AKR1C8: variants seen among roughly 807,000 people sequenced by gnomAD.
The protein encoded by AKR1C8 is aldo-keto reductase family 1 member C8.
At chr10:5,159,861 T>C in the AKR1C8 span, 257,356 of 497,186 alleles carry the variant, frequency 0.52, 70,822 homozygotes, top group Non-Finnish European at 0.6. Context: ...TCAGAGAAGG[T>C]CCCGGTGGGC....
the AKR1C8 span, among the ~76,000 whole-genome samples, chr10:5,127,269 C>A: frequency 6.6e-6 from 1 of 151,778 alleles, no homozygotes; most frequent in East Asian, 1.9e-4. Context: ...AGATAGATAT[C>A]ACAAAGAAAA....
the AKR1C8 span, among the ~76,000 whole-genome samples, chr10:5,172,967 A>C: frequency 3.6e-3 from 553 of 152,244 alleles, 1 homozygote; most frequent in South Asian, 7.3e-3. Flanking sequence ...CTAGGAAAAC[A>C]ATTTTTAGGG....
chr10:5,173,055 T>C, the AKR1C8 span, among the ~76,000 whole-genome samples: 1 of 152,110 alleles, frequency 6.6e-6, no homozygotes, highest in South Asian at 2.1e-4. Flanking sequence ...AGGGGCTCCA[T>C]AAGGAAAAGA....
At chr10:5,172,405 C>T in the AKR1C8 span, among the ~76,000 whole-genome samples, 4 of 151,946 alleles carry the variant, frequency 2.6e-5, no homozygotes, top group Admixed American at 6.6e-5. Context: ...GGTAACAGTT[C>T]TTTCCCCAAA....
At chr10:5,144,808 G>A in the AKR1C8 span, among the ~76,000 whole-genome samples, 3,055 of 152,056 alleles carry the variant, frequency 0.02, 92 homozygotes, top group African/African-American at 0.069. Flanking sequence ...CAATCATGTC[G>A]TCTGCAAACA....
chr10:5,138,526 T>C, the AKR1C8 span, among the ~76,000 whole-genome samples: 1 of 152,124 alleles, frequency 6.6e-6, no homozygotes, highest in African/African-American at 2.4e-5. Flanking sequence ...AACACACAAG[T>C]TTTACAATCA....
chr10:5,144,658 T>C, the AKR1C8 span, among the ~76,000 whole-genome samples: 1,475 of 152,292 alleles, frequency 9.7e-3, 25 homozygotes, highest in African/African-American at 0.034. Flanking sequence ...AATTCACTCA[T>C]GATTTGGCTC....
chr10:5,136,323 G>C, the AKR1C8 span, among the ~76,000 whole-genome samples: 59,573 of 151,952 alleles, frequency 0.39, 12,498 homozygotes, highest in Non-Finnish European at 0.43. Flanking sequence ...TGAGGTAGGT[G>C]GATCACTTGA....
At chr10:5,156,758 AT>A in the AKR1C8 span, among the ~76,000 whole-genome samples, 3 of 152,124 alleles carry the variant, frequency 2.0e-5, no homozygotes, top group Non-Finnish European at 4.4e-5. Context: ...TACCTATTTA[AT>A]TTTTCCACAA....
the AKR1C8 span, among the ~76,000 whole-genome samples, chr10:5,143,862 G>C: frequency 6.6e-6 from 1 of 151,466 alleles, no homozygotes; most frequent in Non-Finnish European, 1.5e-5. Flanking sequence ...ATTCATTTTG[G>C]AGTTTATGGA....
At chr10:5,128,202 A>G in the AKR1C8 span, among the ~76,000 whole-genome samples, 1 of 152,156 alleles carries the variant, frequency 6.6e-6, no homozygotes, top group Non-Finnish European at 1.5e-5. Context: ...TTGAAGGAGA[A>G]ATACAGTCAT....
At chr10:5,160,673 A>T in the AKR1C8 span, 1 of 374,856 alleles carries the variant, frequency 2.7e-6, no homozygotes, top group African/African-American at 2.1e-5. Flanking sequence ...CACTTCACAG[A>T]TGAGAACACA....
the AKR1C8 span, among the ~76,000 whole-genome samples, chr10:5,178,483 A>G: frequency 1.3e-5 from 2 of 152,144 alleles, no homozygotes; most frequent in African/African-American, 2.4e-5. Flanking sequence ...AGTTCTGTAG[A>G]TGTCTATTAG....
the AKR1C8 span, chr10:5,184,921 C>A: frequency 4.5e-6 from 2 of 441,366 alleles, no homozygotes; most frequent in African/African-American, 2.0e-5. Flanking sequence ...TCCAAGCATC[C>A]ACTGTCTACC....
At chr10:5,168,197 C>T in the AKR1C8 span, among the ~76,000 whole-genome samples, 1 of 151,958 alleles carries the variant, frequency 6.6e-6, no homozygotes, top group Non-Finnish European at 1.5e-5. Context: ...AGCTTCTTTG[C>T]CCTGAAAAAC....
the AKR1C8 span, among the ~76,000 whole-genome samples, chr10:5,122,934 G>GA: frequency 1.8e-4 from 27 of 151,982 alleles, no homozygotes; most frequent in African/African-American, 5.6e-4. Flanking sequence ...AGAAGGAAAT[G>GA]AAAAAAATCA....
At chr10:5,177,992 T>G in the AKR1C8 span, among the ~76,000 whole-genome samples, 470 of 152,346 alleles carry the variant, frequency 3.1e-3, 3 homozygotes, top group African/African-American at 0.011. Flanking sequence ...AGTTCTGCTC[T>G]GATTTTAGTT....
At chr10:5,180,963 C>T in the AKR1C8 span, among the ~76,000 whole-genome samples, 1 of 152,212 alleles carries the variant, frequency 6.6e-6, no homozygotes, top group Admixed American at 6.5e-5. Context: ...CCTCGCCCTG[C>T]TTTGGCTCAT....
At chr10:5,126,826 A>G in the AKR1C8 span, among the ~76,000 whole-genome samples, 6 of 151,978 alleles carry the variant, frequency 3.9e-5, no homozygotes, top group Admixed American at 2.0e-4. Flanking sequence ...TCTATAACCA[A>G]GGAACTCATA....
Sources: allele counts gnomAD v4.1 joint callset (sites outside exome capture counted in the v4.1 genomes callset), GRCh38; gene constraint gnomAD v4.1.1; transcripts MANE v1.5; gene names NCBI Gene and HGNC (gene_info 2026-07-23, HGNC 2026-07-21).